The following WWOX variants were observed in gnomAD, a reference collection of about 807,000 sequenced individuals.
The protein encoded by WWOX is WW domain containing oxidoreductase.
In WWOX, 69 loss-of-function variants were observed where a neutral mutation model predicts 46.2. The observed-to-expected ratio is 1.49, with a 90% CI of 1.23 to 1.82. The LOEUF is 1.82. Among genes scored for constraint, WWOX ranks in the 40% most tolerant of loss-of-function variants. The pLI is 0.00. For synonymous variants in WWOX, 359 were observed against 202.6 expected, an observed-to-expected ratio of 1.77 and a Z score of -6.56; for missense variants, 919 against 542.6, an observed-to-expected ratio of 1.69 and a Z score of -6.89.
chr16:78,867,202 A>G (rs1213945602), intron 8 of WWOX, among the ~76,000 whole-genome samples: 1 of 152,214 alleles, frequency 6.6e-6, no homozygotes, highest in Non-Finnish European at 1.5e-5. Flanking sequence ...TTCATGGCAC[A>G]CTGGTGAGTG....
intron 5 of WWOX, among the ~76,000 whole-genome samples, chr16:78,250,846 T>C (rs1261721085): frequency 6.6e-6 from 1 of 152,164 alleles, no homozygotes; most frequent in Non-Finnish European, 1.5e-5. Flanking sequence ...ACACCTTCAC[T>C]TAACACCCTC....
intron 4 of WWOX, among the ~76,000 whole-genome samples, chr16:78,134,034 A>G (rs924295300): frequency 6.6e-6 from 1 of 152,158 alleles, no homozygotes; most frequent in African/African-American, 2.4e-5. Context: ...TTCCTTAAAG[A>G]ATTGCTTTTG....
chr16:78,358,927 G>A (rs1204234467), intron 5 of WWOX, among the ~76,000 whole-genome samples: 1 of 120,758 alleles, frequency 8.3e-6, no homozygotes, highest in Non-Finnish European at 1.6e-5. Flanking sequence ...AATACATACT[G>A]TTTGGCAGTA....
At chr16:79,182,086 G>C (rs553986860) in intron 8 of WWOX, among the ~76,000 whole-genome samples, 2 of 138,044 alleles carry the variant, frequency 1.4e-5, no homozygotes, top group Non-Finnish European at 2.9e-5. Flanking sequence ...CCTACCCAAA[G>C]GATGATTCCT....
intron 8 of WWOX, among the ~76,000 whole-genome samples, chr16:78,585,784 G>T (rs1259752698): frequency 6.6e-6 from 1 of 151,722 alleles, no homozygotes; most frequent in South Asian, 2.1e-4. Context: ...CAAGGCAGGG[G>T]GCAGATTCCC....
At chr16:79,002,725 A>G (rs868498571) in intron 8 of WWOX, among the ~76,000 whole-genome samples, 1 of 152,174 alleles carries the variant, frequency 6.6e-6, no homozygotes, top group African/African-American at 2.4e-5. Flanking sequence ...ACAGAGGTGA[A>G]AACTGACACT....
intron 6 of WWOX, among the ~76,000 whole-genome samples, chr16:78,397,823 C>T (rs893028401): frequency 1.1e-4 from 16 of 152,196 alleles, no homozygotes; most frequent in African/African-American, 3.6e-4. Flanking sequence ...CCGCTCCTGG[C>T]CTTTCAGCCA....
Position 78,902,933 on chromosome 16 carries a change from C to T in WWOX, c.1057-308675C>T, listed in dbSNP as rs544748997. Among the ~76,000 whole-genome samples, 25 of 152,256 alleles carry T rather than the reference C, an allele frequency of 1.6e-4. 1 individual carries two copies. The highest frequency in any genetic ancestry group is 7.2e-4 in the Admixed American group (11 of 15,294). Reference sequence around the variant, plus strand: ...GTGTCTTGTAAAGCTGCAAGGGAGTCGCGGCTGAGTCGAGGATCCACATTC... The same window carrying T: ...GTGTCTTGTAAAGCTGCAAGGGAGTTGCGGCTGAGTCGAGGATCCACATTC... On this transcript the variant is annotated intron_variant, in intron 8 of 8. Coordinates refer to ENST00000566780, the MANE Select transcript of WWOX (RefSeq NM_016373.4).
At chr16:78,647,640 G>A (rs1283905536) in intron 8 of WWOX, among the ~76,000 whole-genome samples, 1 of 152,168 alleles carries the variant, frequency 6.6e-6, no homozygotes, top group Non-Finnish European at 1.5e-5. Context: ...AGGGCATACT[G>A]AGTGCTGACA....
At chr16:78,598,023 C>A (rs545059945) in intron 8 of WWOX, among the ~76,000 whole-genome samples, 6 of 152,184 alleles carry the variant, frequency 3.9e-5, no homozygotes, top group African/African-American at 1.2e-4. Flanking sequence ...ATAAAGTATT[C>A]CTGGTCTATG....
chr16:78,159,471 C>T (rs2034712379), intron 4 of WWOX, among the ~76,000 whole-genome samples: 2 of 152,000 alleles, frequency 1.3e-5, no homozygotes, highest in South Asian at 2.1e-4. Flanking sequence ...CTCTTGTTTC[C>T]ACACCCTGAA....
chr16:78,177,528 C>G (rs979033219), intron 5 of WWOX, among the ~76,000 whole-genome samples: 7 of 152,180 alleles, frequency 4.6e-5, no homozygotes, highest in Admixed American at 2.6e-4. Flanking sequence ...AAGGGTGCAT[C>G]TGGAGCTGGA....
chr16:78,494,687 G>A (rs1467464377), intron 8 of WWOX, among the ~76,000 whole-genome samples: 1 of 152,162 alleles, frequency 6.6e-6, no homozygotes, highest in Admixed American at 6.5e-5. Context: ...CAACATATCA[G>A]TCATTTTTTG....
intron 8 of WWOX, among the ~76,000 whole-genome samples, chr16:78,916,577 A>G (rs770453807): frequency 1.3e-5 from 2 of 152,220 alleles, no homozygotes; most frequent in South Asian, 4.1e-4. Context: ...GAAATGAGAT[A>G]CTGATAATAA....
intron 8 of WWOX, among the ~76,000 whole-genome samples, chr16:78,989,020 A>C (rs2046834060): frequency 6.6e-6 from 1 of 152,198 alleles, no homozygotes; most frequent in African/African-American, 2.4e-5. Flanking sequence ...AACAAGGAGG[A>C]AGTAATCATC....
chr16:78,144,450 C>CACATATAT (rs1171090089), intron 4 of WWOX, among the ~76,000 whole-genome samples: 2,356 of 24,876 alleles, frequency 0.095, 455 homozygotes, highest in East Asian at 0.24. Flanking sequence ...TATATATACA[C>CACATATAT]ATATATATAT....
At chr16:79,072,259 C>G (rs1384385187) in intron 8 of WWOX, among the ~76,000 whole-genome samples, 1 of 152,156 alleles carries the variant, frequency 6.6e-6, no homozygotes, top group Non-Finnish European at 1.5e-5. Context: ...GCAATCTAGC[C>G]TGAGTAACAG....
intron 8 of WWOX, among the ~76,000 whole-genome samples, chr16:78,433,522 A>T (rs1347871090): frequency 6.6e-6 from 1 of 152,218 alleles, no homozygotes; most frequent in Non-Finnish European, 1.5e-5. Flanking sequence ...AGTGGACACC[A>T]GTATTCCAGT....
intron 1 of WWOX, among the ~76,000 whole-genome samples, chr16:78,102,530 G>C (rs1352690207): frequency 6.6e-6 from 1 of 152,240 alleles, no homozygotes; most frequent in African/African-American, 2.4e-5. Flanking sequence ...TGCAGGGACG[G>C]AGGCAAGCTC....
Sources: gnomAD v4.1 joint callset for allele counts (sites outside exome capture counted in the v4.1 genomes callset) on GRCh38, gnomAD v4.1.1 for gene constraint, MANE v1.5 for transcripts, NCBI Gene and HGNC (gene_info 2026-07-23, HGNC 2026-07-21) for gene names.